The following SORCS1 variants were observed in gnomAD, a reference collection of about 807,000 sequenced individuals.
SORCS1 encodes VPS10 domain-containing receptor SorCS1.
A neutral mutation model predicts 146.1 loss-of-function variants in SORCS1; 60 were observed. That is an observed-to-expected ratio of 0.41 (90% CI 0.33 to 0.51). SORCS1 has a LOEUF of 0.51. Among genes scored for constraint, SORCS1 ranks in the 20% least tolerant of loss-of-function variants. The pLI is 0.21. For missense variants in SORCS1, 1,352 were observed against 1,487.6 expected, an observed-to-expected ratio of 0.91 and a Z score of 1.50; for synonymous variants, 637 against 584.0, an observed-to-expected ratio of 1.09 and a Z score of -1.31.
At chr10:107,086,845 C>T (rs986047725) in intron 1 of SORCS1, among the ~76,000 whole-genome samples, 6 of 152,286 alleles carry the variant, frequency 3.9e-5, no homozygotes, top group South Asian at 4.2e-4. Flanking sequence ...CTGGCTAACA[C>T]GGTGAAACCT....
In SORCS1 at chr10:107,079,414, C is replaced by G. The variant is rs1400693238; in HGVS notation, c.558+84555G>C. On this transcript the variant is annotated intron_variant, in intron 1 of 25. Transcript: ENST00000263054. Reference sequence around the variant, plus strand: ...TACACATATTTAAAATGGCCACATTCTACATTGTTTGTCATAATGGAGGGT... The same window carrying G: ...TACACATATTTAAAATGGCCACATTGTACATTGTTTGTCATAATGGAGGGT... Among the ~76,000 whole-genome samples, 8 of 152,296 alleles carry G rather than the reference C, an allele frequency of 5.3e-5. No individual in the cohort carries two copies. The East Asian group carries it at 1.5e-3, about 29-fold the overall frequency.
chr10:107,132,553 C>T (rs149725698), intron 1 of SORCS1, among the ~76,000 whole-genome samples: 2 of 152,210 alleles, frequency 1.3e-5, no homozygotes, highest in Non-Finnish European at 2.9e-5. Flanking sequence ...TTTCTTGATT[C>T]GATAATTCAG....
At position 107,087,282 on chromosome 10, in the gene SORCS1, CT is replaced by C. The variant is rs560233796; in HGVS notation, c.558+76686del. On this transcript the variant is annotated intron_variant, in intron 1 of 25. Transcript: ENST00000263054. ...TTATCAGAGGGGTCAAACAATCCTT[CT>C]TTTTTTTTTCCTGGAAAACATGGTA... Among the ~76,000 whole-genome samples the C allele has an allele frequency of 4.1e-3, 611 of 149,430 alleles. 3 individuals carry two copies. The highest frequency in any genetic ancestry group is 5.6e-3 in the Non-Finnish European group (375 of 67,104).
chr10:106,649,644 A>G (rs1282294739), intron 18 of SORCS1, among the ~76,000 whole-genome samples: 3 of 152,054 alleles, frequency 2.0e-5, no homozygotes, highest in African/African-American at 7.2e-5. Flanking sequence ...TAATATGTTG[A>G]TATCTTTCAT....
chr10:106,891,585 G>A (rs1015364432), intron 2 of SORCS1, among the ~76,000 whole-genome samples: 2 of 147,434 alleles, frequency 1.4e-5, no homozygotes, highest in East Asian at 2.1e-4. Flanking sequence ...CTATAACCTC[G>A]AATTCCTGGG....
chr10:106,627,186 A>G (rs1450155783), intron 19 of SORCS1, among the ~76,000 whole-genome samples: 1 of 152,202 alleles, frequency 6.6e-6, no homozygotes, highest in Non-Finnish European at 1.5e-5. Context: ...GTATGATCAC[A>G]CACACAGGAA....
At chr10:107,054,386 C>A (rs1960402684) in intron 1 of SORCS1, among the ~76,000 whole-genome samples, 1 of 151,888 alleles carries the variant, frequency 6.6e-6, no homozygotes, top group Non-Finnish European at 1.5e-5. Context: ...GGGGGGTTTC[C>A]TGAGGAAGCT....
intron 2 of SORCS1, among the ~76,000 whole-genome samples, chr10:106,865,166 A>T (rs1385781482): frequency 6.6e-6 from 1 of 150,660 alleles, no homozygotes; most frequent in Non-Finnish European, 1.5e-5. Context: ...ACATGGCCAG[A>T]CTGCTTTTTA....
intron 1 of SORCS1, among the ~76,000 whole-genome samples, chr10:106,991,703 C>T (rs1564897997): frequency 6.6e-6 from 1 of 151,844 alleles, no homozygotes; most frequent in East Asian, 1.9e-4. Flanking sequence ...TTTAACTCCC[C>T]GGTACATTAC....
At chr10:106,885,285 TGG>T (rs34957631) in intron 2 of SORCS1, among the ~76,000 whole-genome samples, 8 of 139,770 alleles carry the variant, frequency 5.7e-5, no homozygotes, top group Non-Finnish European at 9.4e-5. Context: ...AGGAGAAAAT[TGG>T]GGGGGGGGAA....
chr10:106,924,324 G>C (rs934320295), intron 2 of SORCS1, among the ~76,000 whole-genome samples: 3 of 151,676 alleles, frequency 2.0e-5, no homozygotes, highest in Non-Finnish European at 2.9e-5. Flanking sequence ...GATAATGATA[G>C]TGTCTGAGGA....
intron 1 of SORCS1, among the ~76,000 whole-genome samples, chr10:107,008,824 C>T (rs1434544724): frequency 1.3e-5 from 2 of 152,086 alleles, no homozygotes; most frequent in Non-Finnish European, 2.9e-5. Context: ...GGTGAAACCC[C>T]GTCTCTACTA....
intron 2 of SORCS1, among the ~76,000 whole-genome samples, chr10:106,896,595 A>G (rs1036174002): frequency 5.3e-5 from 8 of 151,886 alleles, no homozygotes; most frequent in Admixed American, 4.6e-4. Context: ...ACACTAGTGA[A>G]TTGTACAGTT....
intron 2 of SORCS1, among the ~76,000 whole-genome samples, chr10:106,838,984 G>C (rs1189889704): frequency 6.6e-6 from 1 of 152,056 alleles, no homozygotes; most frequent in Admixed American, 6.6e-5. Context: ...TGTATGTTTT[G>C]ACTGCTCCAA....
chr10:107,158,745 T>TA (rs1241457837), intron 1 of SORCS1, among the ~76,000 whole-genome samples: 1 of 152,226 alleles, frequency 6.6e-6, no homozygotes, highest in South Asian at 2.1e-4. Flanking sequence ...TTTGTTGAAT[T>TA]AAAACTAAAC....
intron 3 of SORCS1, among the ~76,000 whole-genome samples, chr10:106,813,689 C>T (rs1425989553): frequency 6.6e-6 from 1 of 152,182 alleles, no homozygotes; most frequent in Admixed American, 6.5e-5. Context: ...AATCCCAAAG[C>T]TTTGAGAGGC....
At chr10:106,666,083 G>A (rs563464479) in intron 17 of SORCS1, among the ~76,000 whole-genome samples, 93 of 152,060 alleles carry the variant, frequency 6.1e-4, no homozygotes, top group Non-Finnish European at 9.6e-4. Context: ...CTTGTGATCC[G>A]CCCACCTCAC....
At chr10:107,038,516 C>T (rs552234101) in intron 1 of SORCS1, among the ~76,000 whole-genome samples, 28 of 152,174 alleles carry the variant, frequency 1.8e-4, no homozygotes, top group East Asian at 1.7e-3. Context: ...ATTGTGCGCA[C>T]GTACCCTAAA....
intron 16 of SORCS1, among the ~76,000 whole-genome samples, chr10:106,670,626 T>C (rs905669166): frequency 6.6e-6 from 1 of 152,150 alleles, no homozygotes; most frequent in African/African-American, 2.4e-5. Flanking sequence ...TAGATGTTTG[T>C]TTGCTCCCTA....
Sources: gnomAD v4.1 joint callset for allele counts (sites outside exome capture counted in the v4.1 genomes callset) on GRCh38, gnomAD v4.1.1 for gene constraint, MANE v1.5 for transcripts, NCBI Gene and HGNC (gene_info 2026-07-23, HGNC 2026-07-21) for gene names.